Variants in EEA1 observed in about 807,000 individuals in gnomAD.
EEA1 encodes the protein early endosome antigen 1, 162kD.
A neutral mutation model predicts 209.2 loss-of-function variants in EEA1; 111 were observed. The ratio of observed to expected loss-of-function variants is 0.53; its 90% CI spans 0.45 to 0.62. The LOEUF (loss-of-function observed/expected upper bound fraction) is 0.62. Among genes scored for constraint, EEA1 ranks in the 20% least tolerant of loss-of-function variants. The pLI is 0.00. For synonymous variants in EEA1, 536 were observed against 540.6 expected (o/e 0.99, Z 0.12); for missense variants, 1,343 against 1,530.8 (o/e 0.88, Z 2.05).
In EEA1 at chr12:92,772,101, G is replaced by A. The variant is rs1023024206; in HGVS notation, c.*3910C>T. The A allele has an allele frequency of 9.9e-5, 15 of 151,634 alleles. No individual in the cohort carries two copies. The highest frequency in any genetic ancestry group is 3.4e-4 in the African/African-American group (14 of 41,332). 9.4% of individuals were successfully genotyped at this position (151,634 alleles called of 1,614,324 possible). ...CCGTGGCTCCCAGGAAGAAAAAATA[G>A]CAAAAAACAATGGCACATTGGGCCT... On this transcript the variant is annotated 3_prime_UTR_variant, in exon 29 of 29. Transcript: ENST00000322349.
Position 92,876,663 on chromosome 12 carries a change from C to T in EEA1, c.118-11676G>A, listed in dbSNP as rs149045977. Among the ~76,000 whole-genome samples, 1,210 of 152,002 alleles carry T rather than the reference C, an allele frequency of 8.0e-3. 25 individuals are homozygous for T. Among genetic ancestry groups the T allele is most frequent in the African/African-American group, 0.027 (1,113 of 41,464 alleles). Reference sequence around the variant, plus strand: ...TGGTATTTTATAATAGCAGTCTGAACTTACTAAGATAAGCAGGTGAGGTAC... The same window carrying T: ...TGGTATTTTATAATAGCAGTCTGAATTTACTAAGATAAGCAGGTGAGGTAC... On this transcript the variant is annotated intron_variant, in intron 2 of 28. Coordinates refer to ENST00000322349, the MANE Select transcript of EEA1 (RefSeq NM_003566.4).
chr12:92,804,077 C>G (rs1211182462), intron 18 of EEA1, among the ~76,000 whole-genome samples: 2 of 151,904 alleles, frequency 1.3e-5, no homozygotes, highest in Admixed American at 6.6e-5. Flanking sequence ...ATAGAACAAC[C>G]AGAGGAACAA....
At chr12:92,892,340 C>T (rs1020724348) in intron 1 of EEA1, among the ~76,000 whole-genome samples, 2 of 152,116 alleles carry the variant, frequency 1.3e-5, no homozygotes, top group Non-Finnish European at 2.9e-5. Context: ...GATCTGCCCA[C>T]CTCCGCCTCC....
chr12:92,790,983 A>G (rs1365821837), intron 21 of EEA1, among the ~76,000 whole-genome samples: 1 of 152,228 alleles, frequency 6.6e-6, no homozygotes, highest in Non-Finnish European at 1.5e-5. Flanking sequence ...TTTCTTAAAG[A>G]AAACAATTTT....
intron 1 of EEA1, among the ~76,000 whole-genome samples, chr12:92,897,020 T>C (rs1462197815): frequency 6.6e-6 from 1 of 151,814 alleles, no homozygotes; most frequent in Non-Finnish European, 1.5e-5. Context: ...ACCAAAAAAA[T>C]ACAAAAATCA....
At chr12:92,914,658 C>G (rs1170881990) in intron 1 of EEA1, among the ~76,000 whole-genome samples, 1 of 151,424 alleles carries the variant, frequency 6.6e-6, no homozygotes, top group African/African-American at 2.4e-5. Flanking sequence ...AAGACCTTGT[C>G]TCTACAATTT....
At chr12:92,890,868 G>A (rs1184411911) in intron 2 of EEA1, among the ~76,000 whole-genome samples, 6 of 152,208 alleles carry the variant, frequency 3.9e-5, no homozygotes, top group East Asian at 1.9e-4. Context: ...ATCCAGAAAC[G>A]TATGCACAAT....
At chr12:92,887,436 G>A (rs1879461422) in intron 2 of EEA1, among the ~76,000 whole-genome samples, 1 of 152,086 alleles carries the variant, frequency 6.6e-6, no homozygotes, top group Admixed American at 6.6e-5. Context: ...TTTAAAGCCA[G>A]GAGTTCAAGA....
intron 8 of EEA1, 35 bp downstream of exon 8, chr12:92,852,140 T>C (rs750961254): frequency 6.6e-7 from 1 of 1,511,860 alleles, no homozygotes; most frequent in Admixed American, 2.3e-5. Flanking sequence ...TAGAAAGGTA[T>C]AAGAGTACAT....
chr12:92,892,860 C>T (rs61935287), intron 1 of EEA1, among the ~76,000 whole-genome samples: 39,052 of 151,892 alleles, frequency 0.26, 5,472 homozygotes, highest in Non-Finnish European at 0.32. Flanking sequence ...GAACTCCTGA[C>T]CTCAAGTGAT....
In EEA1 at chr12:92,811,440, GA is replaced by G. The variant is rs545506192; in HGVS notation, c.2044-7del. On this transcript the variant is annotated splice_region_variant and splice_polypyrimidine_tract_variant and intron_variant, in intron 16 of 28. Coordinates refer to ENST00000322349, the MANE Select transcript of EEA1 (RefSeq NM_003566.4). ...GTAGTAATCTTATTTAACTCCTTTA[GA>G]AAAGTACAATTGAAGAAAACTTTGG... 6,139 of 1,532,796 alleles carry G rather than the reference GA, an allele frequency of 4.0e-3. 24 individuals are homozygous for G. Among genetic ancestry groups the G allele is most frequent in the Non-Finnish European group, 4.5e-3 (5,111 of 1,145,994 alleles). 94.9% of individuals were successfully genotyped at this position (1,532,796 alleles called of 1,614,324 possible).
chr12:92,916,371 T>C (rs1307186599), intron 1 of EEA1, among the ~76,000 whole-genome samples: 1 of 151,836 alleles, frequency 6.6e-6, no homozygotes, highest in Non-Finnish European at 1.5e-5. Context: ...CTTAAAAATC[T>C]GGGCCGGGCG....
rs543823820 is a variant in EEA1, at chr12:92,861,314, G to GC, written c.245+3545dup. ...CTACTAAAAATACAAAATTAGCCGGGCGTGGTGGCGCATGCCTGTATTCCC... is the reference window on the plus strand; with the variant it reads ...CTACTAAAAATACAAAATTAGCCGGGCCGTGGTGGCGCATGCCTGTATTCCC... On this transcript the variant is annotated intron_variant, in intron 3 of 28. Transcript: ENST00000322349. Among the ~76,000 whole-genome samples the GC allele has an allele frequency of 1.3e-3, 199 of 152,294 alleles. 1 individual carries two copies. Among genetic ancestry groups the GC allele is most frequent in the Admixed American group, 2.6e-3 (39 of 15,292 alleles).
chr12:92,825,377 C>A (rs1373308897), intron 13 of EEA1, among the ~76,000 whole-genome samples: 1 of 151,878 alleles, frequency 6.6e-6, no homozygotes, highest in Non-Finnish European at 1.5e-5. Context: ...TGGTGTGAAC[C>A]CAGGAGGCGG....
intron 9 of EEA1, 115 bp downstream of exon 9, chr12:92,850,996 G>A: frequency 1.0e-6 from 1 of 993,156 alleles, no homozygotes; most frequent in East Asian, 2.6e-5. Context: ...AAAAATGAAA[G>A]AAAGACAAAT....
intron 21 of EEA1, among the ~76,000 whole-genome samples, chr12:92,794,174 T>TA (rs1245807336): frequency 6.6e-6 from 1 of 151,972 alleles, no homozygotes; most frequent in African/African-American, 2.4e-5. Flanking sequence ...TCAAAACCAC[T>TA]ATGAGATACC....
chr12:92,789,695 T>C (rs546395317), intron 21 of EEA1, among the ~76,000 whole-genome samples: 1 of 152,268 alleles, frequency 6.6e-6, no homozygotes, highest in South Asian at 2.1e-4. Flanking sequence ...GGGCAGGGCA[T>C]AGCTAAGCAA....
At chr12:92,822,235 T>C (rs756092939) in intron 13 of EEA1, among the ~76,000 whole-genome samples, 1 of 152,104 alleles carries the variant, frequency 6.6e-6, no homozygotes, top group Non-Finnish European at 1.5e-5. Context: ...ACTACAGACA[T>C]GTCCAGGTCT....
At chr12:92,879,161 A>G (rs1203518015) in intron 2 of EEA1, 1 of 313,160 alleles carries the variant, frequency 3.2e-6, no homozygotes, top group African/African-American at 2.3e-5. Context: ...CAGGCTGAGC[A>G]CCCATTATCT....
Sources: allele counts gnomAD v4.1 joint callset (sites outside exome capture counted in the v4.1 genomes callset), GRCh38; gene constraint gnomAD v4.1.1; transcripts MANE v1.5; gene names NCBI Gene and HGNC (gene_info 2026-07-23, HGNC 2026-07-21).